The following DDX10 variants were observed in gnomAD, a reference collection of about 807,000 sequenced individuals.
DDX10 encodes the protein probable ATP-dependent RNA helicase DDX10.
Under a neutral mutation model 104.3 loss-of-function variants are expected in DDX10, and 74 were observed. The ratio of observed to expected loss-of-function variants is 0.71; its 90% CI spans 0.59 to 0.86. The LOEUF (loss-of-function observed/expected upper bound fraction) is 0.86. DDX10 is among the 40% of genes least tolerant of loss of function. The pLI is 0.00. For missense variants in DDX10, 952 were observed against 1,040.0 expected (o/e 0.92, Z 1.16); for synonymous variants, 351 against 353.4 (o/e 0.99, Z 0.08).
chr11:108,683,089 T>TATAATCTTCACAGATGGGGC, intron 6 of DDX10, among the ~76,000 whole-genome samples: 1 of 152,160 alleles, frequency 6.6e-6, no homozygotes, highest in Non-Finnish European at 1.5e-5. Flanking sequence ...AGACTTGGGG[T>TATAATCTTCACAGATGGGGC]ATAATCTTCA....
intron 13 of DDX10, among the ~76,000 whole-genome samples, chr11:108,797,383 A>G (rs976655248): frequency 2.0e-5 from 3 of 152,246 alleles, no homozygotes; most frequent in Non-Finnish European, 2.9e-5. Flanking sequence ...ACGGCAGCGC[A>G]AAATGGAGTA....
chr11:108,737,506 C>T (rs911408149), intron 13 of DDX10, among the ~76,000 whole-genome samples: 19 of 152,022 alleles, frequency 1.2e-4, no homozygotes, highest in African/African-American at 4.6e-4. Flanking sequence ...CTAATAAGGC[C>T]GACATGGTAG....
At chr11:108,790,352 A>C (rs1861853697) in intron 13 of DDX10, among the ~76,000 whole-genome samples, 2 of 152,212 alleles carry the variant, frequency 1.3e-5, no homozygotes, top group Admixed American at 6.5e-5. Context: ...TATTTTGGGC[A>C]AGAAGGAAGC....
intron 13 of DDX10, among the ~76,000 whole-genome samples, chr11:108,766,890 T>C (rs1484285272): frequency 6.6e-6 from 1 of 152,184 alleles, no homozygotes. Flanking sequence ...ATCAGGACTT[T>C]AGGTGCCTTG....
intron 13 of DDX10, among the ~76,000 whole-genome samples, chr11:108,779,250 C>T (rs1021101585): frequency 2.0e-5 from 3 of 152,138 alleles, no homozygotes; most frequent in African/African-American, 7.2e-5. Context: ...ATGTTTATTG[C>T]AGCACTATTC....
intron 13 of DDX10, among the ~76,000 whole-genome samples, chr11:108,742,609 CA>C (rs1423378244): frequency 6.6e-6 from 1 of 151,956 alleles, no homozygotes; most frequent in Non-Finnish European, 1.5e-5. Context: ...TCAATAAATC[CA>C]GGGGTTGCTT....
At chr11:108,930,237 A>T (rs1297330597) in intron 17 of DDX10, among the ~76,000 whole-genome samples, 1 of 152,122 alleles carries the variant, frequency 6.6e-6, no homozygotes, top group Admixed American at 6.5e-5. Flanking sequence ...GGAATGCCAT[A>T]TGGGTGGAAT....
intron 16 of DDX10, among the ~76,000 whole-genome samples, chr11:108,895,259 AT>A (rs371241313): frequency 2.9e-4 from 42 of 146,660 alleles, no homozygotes; most frequent in Admixed American, 3.4e-4. Context: ...TGAATAAGTG[AT>A]TTTTTTTTTT....
chr11:108,707,841 T>G (rs1158964305), intron 10 of DDX10, among the ~76,000 whole-genome samples: 1 of 152,200 alleles, frequency 6.6e-6, no homozygotes, highest in Non-Finnish European at 1.5e-5. Flanking sequence ...TAATCCTACT[T>G]AAGTCTTATA....
intron 9 of DDX10, among the ~76,000 whole-genome samples, chr11:108,699,523 T>A (rs148809646): frequency 1.3e-5 from 2 of 152,340 alleles, no homozygotes; most frequent in African/African-American, 4.8e-5. Context: ...TCTGGTCTTC[T>A]TCACAGGATA....
chr11:108,686,729 GTA>G (rs1164981700), intron 6 of DDX10, among the ~76,000 whole-genome samples: 2 of 152,216 alleles, frequency 1.3e-5, no homozygotes, highest in African/African-American at 2.4e-5. Flanking sequence ...TTGTGTGGAC[GTA>G]TGTTTTCAAC....
intron 13 of DDX10, among the ~76,000 whole-genome samples, chr11:108,823,430 A>G (rs186580003): frequency 1.3e-5 from 2 of 152,366 alleles, no homozygotes; most frequent in Admixed American, 1.3e-4. Context: ...GTAAGCCATT[A>G]TAGAAAAATG....
chr11:108,865,579 G>A (rs1591101649), intron 16 of DDX10, among the ~76,000 whole-genome samples: 1 of 152,028 alleles, frequency 6.6e-6, no homozygotes, highest in Non-Finnish European at 1.5e-5. Context: ...TTTTTTTACT[G>A]GCACACAAGA....
chr11:108,668,548 A>C (rs912314008), intron 1 of DDX10, among the ~76,000 whole-genome samples: 1 of 152,224 alleles, frequency 6.6e-6, no homozygotes, highest in African/African-American at 2.4e-5. Context: ...AACAAGGTGC[A>C]GGCCCTCACT....
intron 13 of DDX10, among the ~76,000 whole-genome samples, chr11:108,799,879 A>G (rs905275658): frequency 6.6e-6 from 1 of 152,160 alleles, no homozygotes; most frequent in African/African-American, 2.4e-5. Context: ...TCCTAAAACT[A>G]GTTCAGCATG....
At chr11:108,678,462 A>T in intron 5 of DDX10, 27 bp downstream of exon 5, 1 of 1,548,594 alleles carries the variant, frequency 6.5e-7, no homozygotes, top group Non-Finnish European at 8.7e-7. Context: ...TCTAATTTAA[A>T]AAAAAAAAAA....
At chr11:108,819,496 A>C (rs1862297617) in intron 13 of DDX10, among the ~76,000 whole-genome samples, 1 of 152,192 alleles carries the variant, frequency 6.6e-6, no homozygotes, top group Non-Finnish European at 1.5e-5. Flanking sequence ...AATTATTTTT[A>C]AAATATACAA....
Position 108,765,076 on chromosome 11 carries a change from A to G in DDX10, c.1965+41614A>G, listed in dbSNP as rs543798075. On this transcript the variant is annotated intron_variant, in intron 13 of 17. Transcript: ENST00000322536. ...TCAATAGACCTTTCTATTAAATAAT[A>G]TACTGAAGAAGCCAAATTTCTTTAT... Among the ~76,000 whole-genome samples, 4 of 152,336 alleles carry G rather than the reference A, an allele frequency of 2.6e-5. No homozygotes were observed. In the South Asian group the frequency reaches 6.2e-4, roughly 24 times the overall value.
chr11:108,791,434 C>T (rs977905191), intron 13 of DDX10, among the ~76,000 whole-genome samples: 4 of 152,244 alleles, frequency 2.6e-5, no homozygotes, highest in Admixed American at 2.6e-4. Context: ...TTCAGAGCAT[C>T]TTTTTTCTTT....
Sources: gnomAD v4.1 joint callset for allele counts (sites outside exome capture counted in the v4.1 genomes callset) on GRCh38, gnomAD v4.1.1 for gene constraint, MANE v1.5 for transcripts, NCBI Gene and HGNC (gene_info 2026-07-23, HGNC 2026-07-21) for gene names.